The following COL21A1 variants were observed in gnomAD, a reference collection of about 807,000 sequenced individuals.
COL21A1 encodes collagen alpha-1(XXI) chain.
COL21A1 carries 149 observed loss-of-function variants against 137.9 expected under a neutral mutation model. The observed-to-expected ratio is 1.08, with a 90% confidence interval of 0.95 to 1.24. The LOEUF (loss-of-function observed/expected upper bound fraction) is 1.24, where lower values mean the gene tolerates loss of function less well. Among genes scored for constraint, COL21A1 ranks in the 50% most tolerant of loss-of-function variants. COL21A1 has a pLI of 0.00. For missense variants in COL21A1, 1,167 were observed against 1,158.4 expected (o/e 1.01, Z -0.11); for synonymous variants, 456 against 391.5 (o/e 1.16, Z -1.95).
intron 6 of COL21A1, 33 bp from the exon 7 acceptor site, chr6:56,167,016 AG>A: frequency 6.6e-7 from 1 of 1,510,086 alleles, no homozygotes; most frequent in Non-Finnish European, 9.1e-7. Context: ...ATTAAAGTTG[AG>A]GCACAAGCTA....
intron 12 of COL21A1, among the ~76,000 whole-genome samples, chr6:56,129,720 G>GAGAC (rs1442490468): frequency 1.1e-4 from 16 of 148,492 alleles, no homozygotes; most frequent in East Asian, 4.0e-4. Context: ...GAGAGAGAGA[G>GAGAC]AGACAGACAG....
At chr6:56,162,938 C>T (rs983798368) in intron 9 of COL21A1, among the ~76,000 whole-genome samples, 3 of 152,094 alleles carry the variant, frequency 2.0e-5, no homozygotes, top group Non-Finnish European at 4.4e-5. Flanking sequence ...AAATAATTCA[C>T]AATAATACAC....
chr6:56,062,470 C>T (rs1246802224), intron 24 of COL21A1, among the ~76,000 whole-genome samples: 1 of 152,042 alleles, frequency 6.6e-6, no homozygotes, highest in African/African-American at 2.4e-5. Flanking sequence ...CAAAAATCTC[C>T]TAATATTCAC....
chr6:56,334,907 T>C (rs1044589193), intron 1 of COL21A1, among the ~76,000 whole-genome samples: 4 of 152,150 alleles, frequency 2.6e-5, no homozygotes, highest in African/African-American at 9.7e-5. Context: ...TACCATCAAA[T>C]ATAGCAGCAC....
At chr6:56,086,376 C>T (rs1239230568) in intron 17 of COL21A1, among the ~76,000 whole-genome samples, 1 of 152,030 alleles carries the variant, frequency 6.6e-6, no homozygotes, top group East Asian at 1.9e-4. Flanking sequence ...TATTAATAGC[C>T]TAGTTTTGGC....
upstream of COL21A1, among the ~76,000 whole-genome samples, chr6:56,249,168 A>T (rs1782787049): frequency 6.6e-6 from 1 of 152,238 alleles, no homozygotes; most frequent in African/African-American, 2.4e-5. Context: ...TTAAAACCAC[A>T]AGCAGATACA....
chr6:56,253,766 G>T (rs1452887880), intron 1 of COL21A1, among the ~76,000 whole-genome samples: 1 of 152,130 alleles, frequency 6.6e-6, no homozygotes, highest in Non-Finnish European at 1.5e-5. Flanking sequence ...CTTAAATTCT[G>T]TTCAAATATT....
chr6:56,214,614 C>A (rs1780372000), intron 1 of COL21A1, among the ~76,000 whole-genome samples: 1 of 151,664 alleles, frequency 6.6e-6, no homozygotes, highest in South Asian at 2.1e-4. Flanking sequence ...CCAAAATAGA[C>A]TCAACATTCT....
chr6:56,168,129 C>G lies in COL21A1; in HGVS notation c.1195G>C (p.Val399Leu), dbSNP rs573505176. 1.2e-5 allele frequency: 18 copies of G among 1,507,668 alleles called. No individual in the cohort carries two copies. The Admixed American group carries it at 2.3e-4, about 19-fold the overall frequency. The allele number at this position is 1,507,668 out of a possible 1,614,324, so 93.4% of individuals were successfully genotyped here. A position where few individuals can be genotyped will look rare whatever the true frequency, so the allele number is the denominator to read the frequency against. The change falls in exon 6 of 30, where the codon GTT (valine) becomes CTT (leucine). Residue 399 changes from valine (V) to leucine (L), a missense_variant. Physicochemically the swap from Val to Leu is conservative, Grantham distance 32. Coordinates refer to ENST00000244728, the MANE Select transcript of COL21A1 (RefSeq NM_030820.4). ...GTAAATCATTATTTATCTACCTGAA[C>G]AGTTTCTTCTTTTCCAGAATATTTT... ...IGKYSGKEETVQFDVQKLRIY... is the reference protein window; with the variant it reads ...IGKYSGKEETLQFDVQKLRIY...
At chr6:56,364,064 G>C (rs551538518) in intron 1 of COL21A1, among the ~76,000 whole-genome samples, 5 of 152,286 alleles carry the variant, frequency 3.3e-5, no homozygotes, top group African/African-American at 1.2e-4. Flanking sequence ...AGCACAATGA[G>C]TGTTGTGTGA....
intron 21 of COL21A1, 98 bp downstream of exon 21, chr6:56,070,647 G>A (rs1332108682): frequency 2.8e-6 from 2 of 720,810 alleles, no homozygotes; most frequent in African/African-American, 1.9e-5. Flanking sequence ...TTAACTTCAT[G>A]TATCTCTTCA....
At chr6:56,376,146 G>A (rs1477799980) in intron 1 of COL21A1, among the ~76,000 whole-genome samples, 1 of 152,226 alleles carries the variant, frequency 6.6e-6, no homozygotes, top group Non-Finnish European at 1.5e-5. Flanking sequence ...AGCCACAGGA[G>A]TAGAGGGTTT....
intron 19 of COL21A1, among the ~76,000 whole-genome samples, chr6:56,074,507 C>G (rs1009340329): frequency 6.6e-6 from 1 of 151,334 alleles, no homozygotes; most frequent in Non-Finnish European, 1.5e-5. Context: ...TAGCAGAGCG[C>G]TTATGATTCT....
intron 1 of COL21A1, among the ~76,000 whole-genome samples, chr6:56,353,277 T>A (rs1765754653): frequency 6.6e-6 from 1 of 152,156 alleles, no homozygotes; most frequent in African/African-American, 2.4e-5. Context: ...CTGTCCACCT[T>A]AAGACACATG....
chr6:56,260,322 G>A (rs959400831), intron 1 of COL21A1, among the ~76,000 whole-genome samples: 9 of 151,918 alleles, frequency 5.9e-5, no homozygotes, highest in Admixed American at 2.0e-4. Context: ...AATGGTTCAC[G>A]CCTGTAATCC....
intron 1 of COL21A1, among the ~76,000 whole-genome samples, chr6:56,393,742 T>C (rs2397223): frequency 0.5 from 76,599 of 151,850 alleles, 19,622 homozygotes; most frequent in East Asian, 0.7. Context: ...AGGTAGAAAA[T>C]TGCCAGTCCC....
chr6:56,251,529 T>C (rs1232628707), upstream of COL21A1, among the ~76,000 whole-genome samples: 2 of 152,250 alleles, frequency 1.3e-5, no homozygotes, highest in African/African-American at 4.8e-5. Flanking sequence ...GATGTAGCTA[T>C]GAGCAAAAGC....
intron 1 of COL21A1, among the ~76,000 whole-genome samples, chr6:56,191,088 T>C (rs1413225836): frequency 6.6e-6 from 1 of 152,140 alleles, no homozygotes; most frequent in Non-Finnish European, 1.5e-5. Flanking sequence ...CAACATAGTA[T>C]TGGAACTTCT....
At chr6:56,314,720 A>G (rs914110315) in intron 1 of COL21A1, among the ~76,000 whole-genome samples, 2 of 152,208 alleles carry the variant, frequency 1.3e-5, no homozygotes, top group African/African-American at 4.8e-5. Flanking sequence ...TCAGAGTTTT[A>G]TGTACCATTT....
Sources: allele counts gnomAD v4.1 joint callset (sites outside exome capture counted in the v4.1 genomes callset), GRCh38; gene constraint gnomAD v4.1.1; transcripts MANE v1.5; gene names NCBI Gene and HGNC (gene_info 2026-07-23, HGNC 2026-07-21).